CLEC3A: variants seen among roughly 807,000 people sequenced by gnomAD.
CLEC3A encodes the protein C-type (calcium dependent, carbohydrate-recognition domain) lectin, superfamily member 1 (cartilage-derived).
Under a neutral mutation model 20.4 loss-of-function variants are expected in CLEC3A, and 28 were observed. The observed-to-expected ratio is 1.37, with a 90% confidence interval of 1.02 to 1.88. The LOEUF is 1.88. CLEC3A is among the 40% of genes most tolerant of loss of function. CLEC3A has a pLI of 0.00. For missense variants in CLEC3A, 357 were observed against 240.4 expected (o/e 1.48, Z -3.21); for synonymous variants, 110 against 88.1 (o/e 1.25, Z -1.39).
Position 78,032,039 on chromosome 16 carries a change from T to C in CLEC3A, c.*1198T>C, listed in dbSNP as rs573654531. On this transcript the variant is annotated 3_prime_UTR_variant, in exon 3 of 3. Transcript: ENST00000299642. The stretch of plus-strand genomic sequence containing the variant: ...CCACTTTGCAAACTTTAACTACACA[T>C]GCTTGGAATTAAGTTTTAGCTGTTT... 1 of 152,632 alleles carries C rather than the reference T, an allele frequency of 6.6e-6. No individual in the cohort carries two copies. The highest frequency in any genetic ancestry group is 1.5e-5 in the Non-Finnish European group (1 of 68,018). 9.5% of individuals were successfully genotyped at this position (152,632 alleles called of 1,614,324 possible).
intron 2 of CLEC3A, chr16:78,029,099 G>C (rs886698072): frequency 2.2e-6 from 1 of 455,252 alleles, no homozygotes; most frequent in Non-Finnish European, 4.4e-6. Context: ...AGCAACTTAA[G>C]CTATTATGAT....
Position 78,030,300 on chromosome 16 carries a change from T to C in CLEC3A, c.200-147T>C. 11 of 715,272 alleles carry C rather than the reference T, an allele frequency of 1.5e-5. No homozygotes were observed. The South Asian group carries it at 2.2e-4, about 14-fold the overall frequency. 44.3% of individuals were successfully genotyped at this position (715,272 alleles called of 1,614,324 possible). On this transcript the variant is annotated intron_variant, in intron 2 of 2. Coordinates refer to ENST00000299642, the MANE Select transcript of CLEC3A (RefSeq NM_005752.6). ...CTTAATTTATGTAAAATGCTTAGCA[T>C]GTTGTCCGGCACATAGAAAATTTTA... is the stretch of plus-strand genomic sequence containing the variant.
chr16:78,023,395 G>A (rs1007155506), intron 1 of CLEC3A, among the ~76,000 whole-genome samples: 1 of 152,014 alleles, frequency 6.6e-6, no homozygotes, highest in Non-Finnish European at 1.5e-5. Flanking sequence ...AATCTCCCAG[G>A]AACCTCAAAT....
rs749094145 is a variant in CLEC3A, at chr16:78,028,175, C to G, written c.184C>G (p.Gln62Glu). 11 of 1,609,426 alleles carry G rather than the reference C, an allele frequency of 6.8e-6. No individual in the cohort carries two copies. The highest frequency in any genetic ancestry group is 1.3e-5 in the African/African-American group (1 of 74,572). Residue 62 changes from glutamine (Q) to glutamate (E), a missense_variant, in exon 2 of 3, where the codon CAA becomes GAA. Gln to Glu is a conservative substitution (Grantham distance 29). Transcript: ENST00000299642. ...AGAAGTCAATGCCTTGAAGGAAATT[C>G]AAGCCCTGCAGACAGGTAAGGTGCA... ...WTEVNALKEI[Q>E]ALQTVCLRGT...
chr16:78,026,715 A>C (rs138618705), intron 1 of CLEC3A, among the ~76,000 whole-genome samples: 9 of 152,164 alleles, frequency 5.9e-5, no homozygotes, highest in African/African-American at 2.2e-4. Flanking sequence ...CAAGCTGCCA[A>C]TCTCTAAGAG....
intron 1 of CLEC3A, among the ~76,000 whole-genome samples, chr16:78,022,954 C>A (rs1051381883): frequency 3.3e-5 from 5 of 151,772 alleles, no homozygotes; most frequent in South Asian, 4.2e-4. Context: ...TAAAAAAAAA[C>A]AACAGGGAAA....
chr16:78,024,691 A>G (rs1159646850), intron 1 of CLEC3A, among the ~76,000 whole-genome samples: 2 of 152,186 alleles, frequency 1.3e-5, no homozygotes, highest in African/African-American at 4.8e-5. Context: ...TAGTTTAAGT[A>G]CCTTGAAATA....
Position 78,030,763 on chromosome 16 carries a change from A to G in CLEC3A, c.516A>G (p.Gln172=), listed in dbSNP as rs140022225. Residue 172 remains glutamine, a synonymous_variant, in exon 3 of 3, where the codon CAA becomes CAG. Transcript: ENST00000299642. The stretch of plus-strand genomic sequence containing the variant: ...GAGAAAACTGTGTCCTGTTCTCCCA[A>G]TCAGCTCAGGGCAAGTGGAGTGATG... ...GKRENCVLFS[Q]SAQGKWSDEA... is the part of the protein sequence containing the mutation. The G allele has an allele frequency of 9.3e-5, 150 of 1,614,140 alleles. No individual in the cohort carries two copies. The highest frequency in any genetic ancestry group is 8.1e-4 in the African/African-American group (61 of 75,026).
At chr16:78,027,876 G>A (rs1033389175) in intron 1 of CLEC3A, among the ~76,000 whole-genome samples, 9 of 152,244 alleles carry the variant, frequency 5.9e-5, no homozygotes, top group East Asian at 1.9e-4. Context: ...GGCTGGTCTC[G>A]AACTCCTGGC....
chr16:78,026,763 C>T (rs117182932), intron 1 of CLEC3A, among the ~76,000 whole-genome samples: 3,162 of 152,304 alleles, frequency 0.021, 41 homozygotes, highest in Middle Eastern at 0.034. Context: ...TTATCCAAGG[C>T]TTCTTGTTTT....
chr16:78,026,204 G>T (rs2029918397), intron 1 of CLEC3A, among the ~76,000 whole-genome samples: 1 of 152,174 alleles, frequency 6.6e-6, no homozygotes, highest in Non-Finnish European at 1.5e-5. Context: ...GCCACCCCTG[G>T]ATATTCCAGA....
rs746748496 is a variant in CLEC3A, at chr16:78,030,712, C to T, written c.465C>T (p.Asp155=). 6.2e-7 allele frequency: 1 copy of T among 1,614,032 alleles called. No individual in the cohort carries two copies. The highest frequency in any genetic ancestry group is 8.5e-7 in the Non-Finnish European group (1 of 1,180,036). The change falls in exon 3 of 3, where the codon GAC becomes GAT. Residue 155 remains aspartate, a synonymous_variant. Transcript: ENST00000299642. ...TCGCTATCTCCTTCCTCAACTGGGA[C>T]CGTGCACAGCCTAACGGTGGCAAGC... The part of the protein sequence containing the change: ...NGIAISFLNW[D]RAQPNGGKRE...
At chr16:78,029,908 CT>C (rs2030036478) in intron 2 of CLEC3A, among the ~76,000 whole-genome samples, 3 of 151,974 alleles carry the variant, frequency 2.0e-5, no homozygotes, top group African/African-American at 7.2e-5. Flanking sequence ...AATCCAAGCA[CT>C]TTGGGAGGCC....
At chr16:78,024,863 G>A (rs2018793260) in intron 1 of CLEC3A, among the ~76,000 whole-genome samples, 1 of 152,146 alleles carries the variant, frequency 6.6e-6, no homozygotes, top group South Asian at 2.1e-4. Context: ...GTCTCACTCT[G>A]CCACCCAGGC....
chr16:78,029,003 G>A (rs1435638597), intron 2 of CLEC3A: 1 of 403,552 alleles, frequency 2.5e-6, no homozygotes, highest in South Asian at 1.9e-5. Flanking sequence ...ACAGTCAAAT[G>A]CTTATGCAGA....
intron 2 of CLEC3A, chr16:78,029,192 G>A: frequency 2.2e-6 from 1 of 453,156 alleles, no homozygotes; most frequent in East Asian, 7.0e-5. Context: ...AAATGTCAGA[G>A]ATGAGACCTA....
chr16:78,029,948 T>C (rs1597153835), intron 2 of CLEC3A, among the ~76,000 whole-genome samples: 1 of 152,022 alleles, frequency 6.6e-6, no homozygotes, highest in East Asian at 2.0e-4. Flanking sequence ...GGTCAGGAGA[T>C]CGAGACCATC....
Position 78,031,992 on chromosome 16 carries a change from A to G in CLEC3A, c.*1151A>G, listed in dbSNP as rs982636417. 3.3e-5 allele frequency: 5 copies of G among 152,648 alleles called. No homozygotes were observed. Among genetic ancestry groups the G allele is most frequent in the Non-Finnish European group, 2.9e-5 (2 of 68,030 alleles). 9.5% of individuals were successfully genotyped at this position (152,648 alleles called of 1,614,324 possible). ...TCAAATAAATAGTGTTTAAACATTG[A>G]ATGTGTTTTGTGAACAATATCCCAC... is the stretch of plus-strand genomic sequence containing the variant. On this transcript the variant is annotated 3_prime_UTR_variant, in exon 3 of 3. Coordinates refer to ENST00000299642, the MANE Select transcript of CLEC3A (RefSeq NM_005752.6).
At chr16:78,029,437 C>T (rs953660854) in intron 2 of CLEC3A, among the ~76,000 whole-genome samples, 11 of 152,146 alleles carry the variant, frequency 7.2e-5, no homozygotes, top group African/African-American at 1.7e-4. Flanking sequence ...GGCGCAATCT[C>T]GGCTCACTGC....
Sources: allele counts gnomAD v4.1 joint callset (sites outside exome capture counted in the v4.1 genomes callset), GRCh38; gene constraint gnomAD v4.1.1; transcripts MANE v1.5; gene names NCBI Gene and HGNC (gene_info 2026-07-23, HGNC 2026-07-21).